Variants in DLGAP1 observed in about 807,000 individuals in gnomAD.
DLGAP1 encodes the protein DLG associated protein 1, also known as disks large-associated protein 1.
Under a neutral mutation model 90.8 loss-of-function variants are expected in DLGAP1, and 11 were observed. The ratio of observed to expected loss-of-function variants is 0.12; its 90% CI spans 0.08 to 0.20. The LOEUF is 0.20. Among genes scored for constraint, DLGAP1 ranks in the 10% least tolerant of loss-of-function variants. The probability of loss-of-function intolerance (pLI) is 1.00; values close to 1 mark genes in which losing one functional copy is unlikely to be tolerated. For missense variants in DLGAP1, 1,050 were observed against 1,333.8 expected, an observed-to-expected ratio of 0.79 and a Z score of 3.31; for synonymous variants, 558 against 540.7, an observed-to-expected ratio of 1.03 and a Z score of -0.44.
chr18:4,149,555 C>T (rs1016852985), intron 2 of DLGAP1, among the ~76,000 whole-genome samples: 1 of 152,184 alleles, frequency 6.6e-6, no homozygotes, highest in Non-Finnish European at 1.5e-5. Context: ...ACCCCCAGGT[C>T]ATAGACCAGT....
rs143636554 is a variant in DLGAP1 at position 4,013,307 on chromosome 18, T to C, written c.-158-8106A>G. ...AGGTAAGGACTATTACTAACCTCAA[T>C]ATAGAGATAAGGAAACTGAGGCACA... On this transcript the variant is annotated intron_variant, in intron 2 of 12. Transcript: ENST00000315677. 3.8e-3 allele frequency among the ~76,000 whole-genome samples: 577 copies of C among 152,282 alleles called. 1 individual carries two copies. The highest frequency in any genetic ancestry group is 6.5e-3 in the Non-Finnish European group (440 of 68,004).
intron 1 of DLGAP1, among the ~76,000 whole-genome samples, chr18:4,393,791 G>C (rs971090571): frequency 1.7e-4 from 26 of 152,226 alleles, no homozygotes; most frequent in Non-Finnish European, 2.8e-4. Flanking sequence ...GGTGGTTCTG[G>C]GATGAAACTG....
At chr18:3,602,401 C>T (rs966084468) in intron 7 of DLGAP1, among the ~76,000 whole-genome samples, 1 of 152,142 alleles carries the variant, frequency 6.6e-6, no homozygotes, top group South Asian at 2.1e-4. Flanking sequence ...CGAGACCATC[C>T]TGGCTAAGAC....
At chr18:3,999,460 A>G (rs1419414865) in intron 3 of DLGAP1, among the ~76,000 whole-genome samples, 1 of 152,182 alleles carries the variant, frequency 6.6e-6, no homozygotes, top group African/African-American at 2.4e-5. Context: ...CCATACAAGC[A>G]TGCAAACATC....
intron 3 of DLGAP1, among the ~76,000 whole-genome samples, chr18:3,958,622 C>CA (rs11342881): frequency 0.03 from 3,752 of 123,510 alleles, 70 homozygotes; most frequent in Middle Eastern, 0.069. Flanking sequence ...ATCCTCTTTA[C>CA]AAAAAAAAAA....
Position 3,893,849 on chromosome 18 carries a change from T to A in DLGAP1, c.-72-13709A>T, listed in dbSNP as rs574726022. On this transcript the variant is annotated intron_variant, in intron 3 of 12. Transcript: ENST00000315677. ...ATTCCCACCAAAAGTGTATAGACAT[T>A]TTCTCATTTCTCCATATCCTTGCCA... Among the ~76,000 whole-genome samples the A allele has an allele frequency of 2.3e-3, 353 of 152,210 alleles. 1 individual carries two copies. Among genetic ancestry groups the A allele is most frequent in the African/African-American group, 8.1e-3 (337 of 41,556 alleles).
chr18:4,344,418 CA>C (rs1369560761), intron 1 of DLGAP1, among the ~76,000 whole-genome samples: 1 of 151,780 alleles, frequency 6.6e-6, no homozygotes, highest in Non-Finnish European at 1.5e-5. Context: ...GACTTAAAGA[CA>C]AAAAAATCCA....
rs374584789 is a variant in DLGAP1, at chr18:3,730,838, T to C, written c.1351-1463A>G. 1.6e-4 allele frequency among the ~76,000 whole-genome samples: 24 copies of C among 152,352 alleles called. No individual in the cohort carries two copies. In the South Asian group the frequency reaches 3.3e-3, roughly 21 times the overall value. On this transcript the variant is annotated intron_variant, in intron 6 of 12. Transcript: ENST00000315677. ...TTCACAGTCTTTATCTAATTTGTTA[T>C]GTGAAATCCCTGCATATTTTCCAGG...
At chr18:4,143,604 C>T (rs1349841850) in intron 2 of DLGAP1, among the ~76,000 whole-genome samples, 7 of 151,930 alleles carry the variant, frequency 4.6e-5, no homozygotes, top group African/African-American at 1.7e-4. Flanking sequence ...TGGTGCTCTA[C>T]TCCACTGTGA....
intron 2 of DLGAP1, among the ~76,000 whole-genome samples, chr18:4,124,157 T>C (rs2076196862): frequency 6.6e-6 from 1 of 152,160 alleles, no homozygotes; most frequent in Non-Finnish European, 1.5e-5. Flanking sequence ...TGACATTGCT[T>C]CTTGGGGTCT....
chr18:3,848,512 A>T (rs2069150648), intron 4 of DLGAP1, among the ~76,000 whole-genome samples: 1 of 152,150 alleles, frequency 6.6e-6, no homozygotes, highest in South Asian at 2.1e-4. Context: ...GTACCTGCCA[A>T]CTTCACTTAG....
chr18:3,847,958 G>C (rs1237285558), intron 4 of DLGAP1, among the ~76,000 whole-genome samples: 1 of 151,782 alleles, frequency 6.6e-6, no homozygotes, highest in African/African-American at 2.4e-5. Context: ...GTGGGACCCT[G>C]TCTCTACAGA....
rs118013048 is a variant in DLGAP1 at position 4,031,763 on chromosome 18, T to C, written c.-158-26562A>G. Reference sequence around the variant, plus strand: ...TGCAGTTTTTACCATAGGAAATGATTGGAAGGAAACTAACATTTTCAAGTA... The same window carrying C: ...TGCAGTTTTTACCATAGGAAATGATCGGAAGGAAACTAACATTTTCAAGTA... On this transcript the variant is annotated intron_variant, in intron 2 of 12. Coordinates refer to ENST00000315677, the MANE Select transcript of DLGAP1 (RefSeq NM_004746.4). Among the ~76,000 whole-genome samples the C allele has an allele frequency of 9.0e-3, 1,367 of 152,318 alleles. 8 individuals carry two copies. The highest frequency in any genetic ancestry group is 0.024 in the Middle Eastern group (7 of 294).
At chr18:3,989,179 C>T (rs2315253) in intron 3 of DLGAP1, among the ~76,000 whole-genome samples, 60,913 of 152,102 alleles carry the variant, frequency 0.4, 13,796 homozygotes, top group Non-Finnish European at 0.51. Flanking sequence ...TGCGTCCTTG[C>T]TGGTGGACGG....
At chr18:4,204,842 A>C (rs2144837627) in intron 1 of DLGAP1, among the ~76,000 whole-genome samples, 1 of 151,786 alleles carries the variant, frequency 6.6e-6, no homozygotes, top group South Asian at 2.1e-4. Flanking sequence ...GCACGGAAGT[A>C]TTCAGTGGTG....
chr18:3,795,561 A>G (rs536282635), intron 5 of DLGAP1, among the ~76,000 whole-genome samples: 5 of 152,162 alleles, frequency 3.3e-5, no homozygotes, highest in East Asian at 1.9e-4. Context: ...TGATCTGCCC[A>G]CCTTGGCCTC....
intron 1 of DLGAP1, among the ~76,000 whole-genome samples, chr18:4,152,349 T>G (rs1480635418): frequency 6.6e-6 from 1 of 152,188 alleles, no homozygotes. Flanking sequence ...ACCTCCTAAT[T>G]ATAAGAATTA....
intron 4 of DLGAP1, among the ~76,000 whole-genome samples, chr18:3,863,342 G>A (rs865891202): frequency 1.3e-5 from 2 of 152,258 alleles, no homozygotes; most frequent in African/African-American, 4.8e-5. Context: ...GTTTCTCATA[G>A]CACATTTTTA....
At position 3,660,696 on chromosome 18, in the gene DLGAP1, A is replaced by G. The variant is rs1464523767; in HGVS notation, c.1591+68439T>C. Among the ~76,000 whole-genome samples, 3 of 152,264 alleles carry G rather than the reference A, an allele frequency of 2.0e-5. No homozygotes were observed. Among genetic ancestry groups the G allele is most frequent in the Non-Finnish European group, 1.5e-5 (1 of 68,054 alleles). On this transcript the variant is annotated intron_variant, in intron 7 of 12. Transcript: ENST00000315677. This position sits in a 1 kb window ranked among gnomAD's most constrained non-coding sequence, Gnocchi z 4.2. ...AGGGAGTTAGTCAAAATCTATGTGC[A>G]GAGTGAATACATATAACTTGCAGTA...
Sources: gnomAD v4.1 joint callset for allele counts (sites outside exome capture counted in the v4.1 genomes callset) on GRCh38, gnomAD v4.1.1 for gene constraint, Gnocchi (gnomAD v3.1) non-coding constraint, MANE v1.5 for transcripts, NCBI Gene and HGNC (gene_info 2026-07-23, HGNC 2026-07-21) for gene names.